FLCN: variants seen among roughly 807,000 people sequenced by gnomAD.
FLCN encodes the protein folliculin, also known as BHD skin lesion fibrofolliculoma protein.
A neutral mutation model predicts 62.5 loss-of-function variants in FLCN; 22 were observed. The ratio of observed to expected loss-of-function variants is 0.35; its 90% CI spans 0.25 to 0.50. The LOEUF (loss-of-function observed/expected upper bound fraction) is 0.50. Among genes scored for constraint, FLCN ranks in the 20% least tolerant of loss-of-function variants. The probability of loss-of-function intolerance (pLI) is 0.97; values close to 1 mark genes in which losing one functional copy is unlikely to be tolerated. For missense variants in FLCN, 657 were observed against 778.0 expected (o/e 0.84, Z 1.85); for synonymous variants, 319 against 310.0 (o/e 1.03, Z -0.30).
Position 17,231,591 on chromosome 17 carries a change from C to T in FLCN, c.-25+203G>A, listed in dbSNP as rs3862149. ...TTCTGGGGAGCCCCCACCCCTGTTA[C>T]GGATCCAAAAGTCAGACGTTCTGTC... On this transcript the variant is annotated intron_variant, in intron 3 of 13. Transcript: ENST00000285071. 85 of 152,474 alleles carry T rather than the reference C, an allele frequency of 5.6e-4. 1 individual carries two copies. The South Asian group carries it at 0.017, about 30-fold the overall frequency. 9.4% of individuals were successfully genotyped at this position (152,474 alleles called of 1,614,324 possible).
chr17:17,216,501 G>T lies in FLCN; in HGVS notation c.1179C>A (p.Thr393=), dbSNP rs755413587. The change falls in exon 11 of 14, where the codon ACC becomes ACA. Residue 393 remains threonine (T), a splice_region_variant and synonymous_variant. Transcript: ENST00000285071. This position sits in a 1 kb window ranked among gnomAD's most constrained non-coding sequence, Gnocchi z 4.0. ...TGCGGACGCAGCCCACGGGAAGCATGGTCTGAGGAGGACAGCAGGACTCAG... is the reference window on the plus strand; with the variant it reads ...TGCGGACGCAGCCCACGGGAAGCATTGTCTGAGGAGGACAGCAGGACTCAG... The part of the protein sequence containing the change: ...LVQSAFEVLR[T]MLPVGCVRII... 5 of 1,613,760 alleles carry T rather than the reference G, an allele frequency of 3.1e-6. No homozygotes were observed. The highest frequency in any genetic ancestry group is 3.4e-6 in the Non-Finnish European group (4 of 1,179,910).
intron 6 of FLCN, 146 bp from the exon 7 acceptor site, chr17:17,222,807 C>G: frequency 1.1e-6 from 1 of 886,722 alleles, no homozygotes; most frequent in Admixed American, 2.0e-5. Context: ...CAAAGTGCCA[C>G]CAGTCCAATC....
At position 17,224,001 on chromosome 17, in the gene FLCN, A is replaced by T. The variant is rs2144975181; in HGVS notation, c.539T>A (p.Ile180Asn). The stretch of plus-strand genomic sequence containing the variant: ...GAAGGGCCAGGAGTTGATGAGGTAG[A>T]TCCGGTCCATCATGATGGTGATGAT... ...YSIITIMMDR[I>N]YLINSWPFLL... Residue 180 changes from isoleucine (I) to asparagine (N), a missense_variant, in exon 6 of 14, where the codon ATC becomes AAC. Transcript: ENST00000285071. 6.2e-7 allele frequency: 1 copy of T among 1,613,732 alleles called. No individual in the cohort carries two copies. Among genetic ancestry groups the T allele is most frequent in the Non-Finnish European group, 8.5e-7 (1 of 1,180,036 alleles).
At chr17:17,237,252 A>G (rs1402458755), upstream of FLCN, 2 of 152,120 alleles carry the variant, frequency 1.3e-5, no homozygotes, top group East Asian at 3.9e-4. Flanking sequence ...CGCGTCCTGC[A>G]CCGCGAGGAG....
At chr17:17,220,933 A>T (rs946774267) in intron 8 of FLCN, 1 of 292,812 alleles carries the variant, frequency 3.4e-6, no homozygotes, top group African/African-American at 2.2e-5. Flanking sequence ...GAAGCATGGG[A>T]AGCATTATTA....
Position 17,213,680 on chromosome 17 carries a change from G to A in FLCN, c.1715C>T (p.Pro572Leu). ...KSHLMSTVRS[P>L]TASESRN Reference sequence around the variant, plus strand: ...TCAGTTCCGAGACTCCGAGGCTGTGGGGCTGCGGACCGTGGACATGAGGTG... The same window carrying A: ...TCAGTTCCGAGACTCCGAGGCTGTGAGGCTGCGGACCGTGGACATGAGGTG... Residue 572 changes from proline to leucine, a missense_variant, in exon 14 of 14, where the codon CCC (proline) becomes CTC (leucine). Pro to Leu is a moderately conservative substitution (Grantham distance 98). Coordinates refer to ENST00000285071, the MANE Select transcript of FLCN (RefSeq NM_144997.7). 1 of 1,614,196 alleles carries A rather than the reference G, an allele frequency of 6.2e-7. No individual in the cohort carries two copies. The highest frequency in any genetic ancestry group is 8.5e-7 in the Non-Finnish European group (1 of 1,180,034).
chr17:17,221,771 T>C, intron 7 of FLCN, 143 bp from the exon 8 acceptor site: 1 of 869,116 alleles, frequency 1.2e-6, no homozygotes, highest in South Asian at 1.5e-5. Flanking sequence ...AGATCCCGCA[T>C]GCAGGCAGTT....
In FLCN at chr17:17,227,944, T is replaced by G. The variant is rs757012294; in HGVS notation, c.194A>C (p.Glu65Ala). ...NSRMRAHSPA[E>A]GASVESSSPG... ...GCTGCTGGACTCGACGCTGGCCCCC[T>G]CTGCGGGGCTGTGCGCACGCATCCG... The change falls in exon 4 of 14, where the codon GAG (glutamate) becomes GCG (alanine). Residue 65 changes from glutamate (E) to alanine (A), a missense_variant. Physicochemically the swap from Glu to Ala is moderately radical, Grantham distance 107. Coordinates refer to ENST00000285071, the MANE Select transcript of FLCN (RefSeq NM_144997.7). The G allele has an allele frequency of 8.1e-6, 13 of 1,614,044 alleles. No individual in the cohort carries two copies. In the South Asian group the frequency reaches 1.4e-4, roughly 18 times the overall value.
intron 7 of FLCN, among the ~76,000 whole-genome samples, chr17:17,222,039 TA>T (rs35488709): frequency 0.24 from 33,761 of 142,470 alleles, 4,255 homozygotes; most frequent in African/African-American, 0.35. Context: ...AGATTTGCTT[TA>T]AAAAAAAAAA....
At position 17,218,907 on chromosome 17, in the gene FLCN, C is replaced by T. The variant is rs2047002409; in HGVS notation, c.1062+112G>A. 3.1e-6 allele frequency: 4 copies of T among 1,289,726 alleles called. No individual in the cohort carries two copies. The African/African-American group carries it at 4.4e-5, about 14-fold the overall frequency. The allele number at this position is 1,289,726 out of a possible 1,614,324, so 79.9% of individuals were successfully genotyped here. On this transcript the variant is annotated intron_variant, in intron 9 of 13. Transcript: ENST00000285071. ...CACCCACCGAGGAGGCTGTCAGTCACTTCCTGCAGGGTTTTGAAGGTGGAG... is the reference window on the plus strand; with the variant it reads ...CACCCACCGAGGAGGCTGTCAGTCATTTCCTGCAGGGTTTTGAAGGTGGAG...
intron 3 of FLCN, among the ~76,000 whole-genome samples, chr17:17,231,149 A>C (rs1216420119): frequency 6.6e-6 from 1 of 152,162 alleles, no homozygotes; most frequent in Non-Finnish European, 1.5e-5. Flanking sequence ...GCAGTGAGCC[A>C]AGACTGCGCA....
intron 3 of FLCN, among the ~76,000 whole-genome samples, chr17:17,230,085 G>A (rs149673669): frequency 2.3e-3 from 343 of 152,304 alleles, no homozygotes; most frequent in Non-Finnish European, 4.0e-3. Context: ...AAACGAGACC[G>A]CAAAAGCAAA....
chr17:17,216,513 ACAG>A lies in FLCN; in HGVS notation c.1177-13_1177-11del, dbSNP rs1567809863. 1 of 1,613,620 alleles carries A rather than the reference ACAG, an allele frequency of 6.2e-7. No homozygotes were observed. The highest frequency in any genetic ancestry group is 8.5e-7 in the Non-Finnish European group (1 of 1,179,886). On this transcript the variant is annotated splice_polypyrimidine_tract_variant and intron_variant, in intron 10 of 13. Coordinates refer to ENST00000285071, the MANE Select transcript of FLCN (RefSeq NM_144997.7). This position sits in a 1 kb window ranked among gnomAD's most constrained non-coding sequence, Gnocchi z 4.0. Reference sequence around the variant, plus strand: ...CCACGGGAAGCATGGTCTGAGGAGGACAGCAGGACTCAGACCAAGGACACGAGG... The same window carrying A: ...CCACGGGAAGCATGGTCTGAGGAGGACAGGACTCAGACCAAGGACACGAGG...
intron 6 of FLCN, chr17:17,223,100 CTTT>C (rs998065148): frequency 1.2e-5 from 3 of 256,682 alleles, no homozygotes; most frequent in African/African-American, 2.3e-5. Context: ...TTTTTCCTTT[CTTT>C]TTTTTTTTGA....
rs1188640320 is a variant in FLCN at position 17,219,293 on chromosome 17, C to T, written c.872-84G>A. 21 of 1,244,600 alleles carry T rather than the reference C, an allele frequency of 1.7e-5. No homozygotes were observed. The East Asian group carries it at 2.4e-4, about 14-fold the overall frequency. The allele number at this position is 1,244,600 out of a possible 1,614,324, so 77.1% of individuals were successfully genotyped here. A position where few individuals can be genotyped will look rare whatever the true frequency, so the allele number is the denominator to read the frequency against. On this transcript the variant is annotated intron_variant, in intron 8 of 13. Transcript: ENST00000285071. ...GCCCAAGATACTTCATGGGCTGAGC[C>T]GGTCAGTGTAGATTCCTGGCTGCGG... is the stretch of plus-strand genomic sequence containing the variant.
chr17:17,212,681 G>A lies in FLCN; in HGVS notation c.*974C>T, dbSNP rs1406616542. On this transcript the variant is annotated 3_prime_UTR_variant, in exon 14 of 14. Transcript: ENST00000285071. ...GGCACCTGTAGTTCCAGCTACTCTG[G>A]AGGCTGAGGCAGGAGAATTGCTTGA... 3 of 180,254 alleles carry A rather than the reference G, an allele frequency of 1.7e-5. No homozygotes were observed. Among genetic ancestry groups the A allele is most frequent in the African/African-American group, 7.1e-5 (3 of 42,304 alleles). 11.2% of individuals were successfully genotyped at this position (180,254 alleles called of 1,614,324 possible).
intron 4 of FLCN, 62 bp from the exon 5 acceptor site, chr17:17,226,384 G>A (rs1885272222): frequency 6.2e-7 from 1 of 1,600,284 alleles, no homozygotes. Context: ...ACTCTCTTAG[G>A]TTTATGCAAA....
chr17:17,232,749 G>A (rs1366654732), intron 2 of FLCN, 39 bp downstream of exon 2: 1 of 152,486 alleles, frequency 6.6e-6, no homozygotes, highest in Non-Finnish European at 1.5e-5. Flanking sequence ...AGCAAGCCTG[G>A]GCCAAGTCTC....
chr17:17,215,440 C>G, intron 11 of FLCN, 124 bp from the exon 12 acceptor site: 1 of 1,464,188 alleles, frequency 6.8e-7, no homozygotes, highest in Non-Finnish European at 9.5e-7. Context: ...GGTGAAAAGA[C>G]TGGCCCAAAT....
Sources: gnomAD v4.1 joint callset for allele counts (sites outside exome capture counted in the v4.1 genomes callset) on GRCh38, gnomAD v4.1.1 for gene constraint, Gnocchi (gnomAD v3.1) non-coding constraint, MANE v1.5 for transcripts, NCBI Gene and HGNC (gene_info 2026-07-23, HGNC 2026-07-21) for gene names.